The following CYP2E1 variants were observed in gnomAD, a reference collection of about 807,000 sequenced individuals.
CYP2E1 encodes cytochrome P450 2E1.
CYP2E1 carries 31 observed loss-of-function variants against 42.9 expected under a neutral mutation model. The ratio of observed to expected loss-of-function variants is 0.72; its 90% CI spans 0.54 to 0.98. The LOEUF is 0.98. Ranked by LOEUF, CYP2E1 falls within the 50% of genes least tolerant of loss-of-function variation. The pLI, the probability that CYP2E1 is intolerant of heterozygous loss-of-function variation, is 0.00. For missense variants in CYP2E1, 565 were observed against 633.2 expected, an observed-to-expected ratio of 0.89 and a Z score of 1.16; for synonymous variants, 244 against 248.9, an observed-to-expected ratio of 0.98 and a Z score of 0.19.
intron 2 of CYP2E1, among the ~76,000 whole-genome samples, chr10:133,529,180 C>T (rs1851308841): frequency 6.6e-6 from 1 of 152,232 alleles, no homozygotes; most frequent in South Asian, 2.1e-4. Flanking sequence ...ATCTCCCAGC[C>T]TCACCTCTGC....
At chr10:133,537,451 G>A (rs1402374068) in intron 7 of CYP2E1, 4 of 619,356 alleles carry the variant, frequency 6.5e-6, no homozygotes, top group Non-Finnish European at 1.1e-5. Context: ...AGAGGTGGAG[G>A]AAATCTGGAA....
intron 6 of CYP2E1, 128 bp downstream of exon 6, chr10:133,534,025 G>A (rs1851370519): frequency 9.7e-7 from 1 of 1,030,626 alleles, no homozygotes. Flanking sequence ...GTGGTGAGAT[G>A]GCTAGATGCA....
At chr10:133,537,603 C>G (rs966049618) in intron 7 of CYP2E1, 148 bp from the exon 8 acceptor site, 3 of 692,850 alleles carry the variant, frequency 4.3e-6, no homozygotes, top group Non-Finnish European at 7.2e-6. Flanking sequence ...TGCTTTCTAT[C>G]TAATCCTTCA....
intron 8 of CYP2E1, among the ~76,000 whole-genome samples, chr10:133,538,211 A>G (rs1434443420): frequency 2.0e-5 from 3 of 152,280 alleles, no homozygotes; most frequent in Non-Finnish European, 1.5e-5. Context: ...TCTCAAAGCC[A>G]TATTACCCAA....
At chr10:133,531,906 C>A in intron 3 of CYP2E1, 172 bp downstream of exon 3, 1 of 798,546 alleles carries the variant, frequency 1.3e-6, no homozygotes, top group Non-Finnish European at 1.9e-6. Flanking sequence ...CTACACAGTT[C>A]AGGGAGCAAG....
At chr10:133,529,196 C>A (rs535902231) in intron 2 of CYP2E1, among the ~76,000 whole-genome samples, 1 of 152,342 alleles carries the variant, frequency 6.6e-6, no homozygotes, top group African/African-American at 2.4e-5. Flanking sequence ...TCTGCTGTCT[C>A]CTCCACGCTT....
intron 6 of CYP2E1, among the ~76,000 whole-genome samples, chr10:133,535,705 A>G (rs1457597008): frequency 6.6e-6 from 1 of 152,236 alleles, no homozygotes; most frequent in Admixed American, 6.5e-5. Flanking sequence ...AACGTTTATT[A>G]ACATTTTGCG....
At chr10:133,529,027 C>G (rs982689418) in intron 2 of CYP2E1, among the ~76,000 whole-genome samples, 25 of 152,232 alleles carry the variant, frequency 1.6e-4, no homozygotes, top group African/African-American at 6.0e-4. Context: ...CTCACCCACG[C>G]TGAGGCGTCG....
rs1564850583 is a variant in CYP2E1, at chr10:133,538,823, G to C, written c.1341G>C (p.Leu447Phe). The change falls in exon 9 of 9, where the codon TTG becomes TTC. Residue 447 changes from leucine to phenylalanine, a missense_variant. By Grantham distance (22) the Leu-to-Phe change is conservative. Coordinates refer to ENST00000252945, the MANE Select transcript of CYP2E1 (RefSeq NM_000773.4). ...CAGEGLARME[L>F]FLLLCAILQH... is the part of the protein sequence containing the mutation. ...GAGAAGGCCTGGCTCGCATGGAGTTGTTTCTTTTGTTGTGTGCCATTTTGC... is the reference window on the plus strand; with the variant it reads ...GAGAAGGCCTGGCTCGCATGGAGTTCTTTCTTTTGTTGTGTGCCATTTTGC... 1 of 1,614,068 alleles carries C rather than the reference G, an allele frequency of 6.2e-7. No individual in the cohort carries two copies. Among genetic ancestry groups the C allele is most frequent in the Non-Finnish European group, 8.5e-7 (1 of 1,179,992 alleles).
chr10:133,532,996 C>A, intron 5 of CYP2E1, 128 bp downstream of exon 5: 1 of 881,832 alleles, frequency 1.1e-6, no homozygotes. Context: ...GAGTTTCATA[C>A]ACACACTCTT....
Position 133,532,751 on chromosome 10 carries a change from A to T in CYP2E1, c.708A>T (p.Ile236=), listed in dbSNP as rs535347009. ...TGCCTGGAAGCCACAGAAAAGTCATAAAAAATGTGGCTGAAGTAAAAGAGT... is the reference window on the plus strand; with the variant it reads ...TGCCTGGAAGCCACAGAAAAGTCATTAAAAATGTGGCTGAAGTAAAAGAGT... ...HYLPGSHRKV[I]KNVAEVKEYV... is the part of the protein sequence containing the mutation. The change falls in exon 5 of 9, where the codon ATA becomes ATT. Residue 236 remains isoleucine (I), a synonymous_variant. Transcript: ENST00000252945. The T allele has an allele frequency of 1.5e-5, 25 of 1,613,244 alleles. No homozygotes were observed. The East Asian group carries it at 5.4e-4, about 35-fold the overall frequency.
chr10:133,535,119 A>C (rs1851382029), intron 6 of CYP2E1, among the ~76,000 whole-genome samples: 1 of 151,954 alleles, frequency 6.6e-6, no homozygotes, highest in Non-Finnish European at 1.5e-5. Flanking sequence ...GGCGATCACG[A>C]GGTCAGGAGT....
In CYP2E1 at chr10:133,537,818, A is replaced by G; in HGVS notation, c.1223A>G (p.Lys408Arg). 3 of 1,613,900 alleles carry G rather than the reference A, an allele frequency of 1.9e-6. No individual in the cohort carries two copies. Among genetic ancestry groups the G allele is most frequent in the Non-Finnish European group, 2.5e-6 (3 of 1,179,834 alleles). Residue 408 changes from lysine to arginine, a missense_variant, in exon 8 of 9, where the codon AAG becomes AGG. Lys to Arg is a conservative substitution (Grantham distance 26). Transcript: ENST00000252945. ...YDNQEFPDPE[K>R]FKPEHFLNEN... ...AACCAAGAATTTCCTGATCCAGAAA[A>G]GTTTAAGCCAGAACACTTCCTGAAT...
At chr10:133,538,722 A>G (rs1220490492) in intron 8 of CYP2E1, 58 bp from the exon 9 acceptor site, 3 of 1,491,974 alleles carry the variant, frequency 2.0e-6, no homozygotes, top group Non-Finnish European at 2.8e-6. Flanking sequence ...CTCACTGTTA[A>G]CAGTGTCGTG....
At position 133,527,467 on chromosome 10, in the gene CYP2E1, G is replaced by C; in HGVS notation, c.72G>C (p.Arg24Ser). 1 of 1,613,726 alleles carries C rather than the reference G, an allele frequency of 6.2e-7. No individual in the cohort carries two copies. Among genetic ancestry groups the C allele is most frequent in the South Asian group, 1.1e-5 (1 of 91,056 alleles). Residue 24 changes from arginine (R) to serine (S), a missense_variant, in exon 1 of 9, where the codon AGG becomes AGC. Physicochemically the swap from Arg to Ser is moderately radical, Grantham distance 110. Coordinates refer to ENST00000252945, the MANE Select transcript of CYP2E1 (RefSeq NM_000773.4). ...AAFLLLVSMW[R>S]QVHSSWNLPP... ...TCCTCCTGCTGGTGTCCATGTGGAGGCAGGTGCACAGCAGCTGGAATCTGC... is the reference window on the plus strand; with the variant it reads ...TCCTCCTGCTGGTGTCCATGTGGAGCCAGGTGCACAGCAGCTGGAATCTGC...
chr10:133,538,878 C>T lies in CYP2E1; in HGVS notation c.1396C>T (p.Pro466Ser), dbSNP rs779104532. 1.1e-5 allele frequency: 17 copies of T among 1,613,922 alleles called. No homozygotes were observed. The highest frequency in any genetic ancestry group is 5.5e-5 in the South Asian group (5 of 91,076). The change falls in exon 9 of 9, where the codon CCA (proline) becomes TCA (serine). Residue 466 changes from proline (P) to serine (S), a missense_variant. Physicochemically the swap from Pro to Ser is moderately conservative, Grantham distance 74. Transcript: ENST00000252945. ...TTTTAATTTGAAGCCTCTCGTTGAC[C>T]CAAAGGATATCGACCTCAGCCCTAT... ...QHFNLKPLVD[P>S]KDIDLSPIHI...
In CYP2E1 at chr10:133,531,572, C is replaced by A; in HGVS notation, c.338-13C>A. On this transcript the variant is annotated splice_polypyrimidine_tract_variant and intron_variant, in intron 2 of 8. Coordinates refer to ENST00000252945, the MANE Select transcript of CYP2E1 (RefSeq NM_000773.4). ...GTATTTAGAATAACCTTCTGCTGGC[C>A]CCTCTGCCTTAGGAATCATTTTTAA... The A allele has an allele frequency of 6.2e-7, 1 of 1,614,008 alleles. No homozygotes were observed. The highest frequency in any genetic ancestry group is 1.1e-5 in the South Asian group (1 of 91,078).
chr10:133,537,392 C>G, intron 7 of CYP2E1, 142 bp downstream of exon 7: 5 of 765,256 alleles, frequency 6.5e-6, no homozygotes, highest in African/African-American at 1.7e-5. Flanking sequence ...CACTCCCACC[C>G]TGTGGGATAC....
rs79549556 is a variant in CYP2E1, at chr10:133,532,179, C to T, written c.543C>T (p.Ala181=). The T allele has an allele frequency of 7.4e-6, 12 of 1,614,002 alleles. No individual in the cohort carries two copies. Among genetic ancestry groups the T allele is most frequent in the East Asian group, 2.2e-5 (1 of 44,878 alleles). ...GCTGCGCGCCCTGCAACGTCATAGC[C>T]GACATCCTCTTCCGCAAGCATTTTG... is the stretch of plus-strand genomic sequence containing the variant. ...LIGCAPCNVI[A]DILFRKHFDY... Residue 181 remains alanine (A), a synonymous_variant, in exon 4 of 9, where the codon GCC becomes GCT. Transcript: ENST00000252945.
Sources: gnomAD v4.1 joint callset for allele counts (sites outside exome capture counted in the v4.1 genomes callset) on GRCh38, gnomAD v4.1.1 for gene constraint, MANE v1.5 for transcripts, NCBI Gene and HGNC (gene_info 2026-07-23, HGNC 2026-07-21) for gene names.